The following MED27 variants were observed in gnomAD, a reference collection of about 807,000 sequenced individuals.
The protein encoded by MED27 is mediator of RNA polymerase II transcription subunit 27.
In MED27, 30 loss-of-function variants were observed where a neutral mutation model predicts 38.2. That is an observed-to-expected ratio of 0.79 (90% CI 0.59 to 1.07). The LOEUF (loss-of-function observed/expected upper bound fraction) is 1.07, where lower values mean the gene tolerates loss of function less well. MED27 is among the 50% of genes least tolerant of loss of function. The pLI is 0.00. For synonymous variants in MED27, 122 were observed against 153.5 expected (o/e 0.79, Z 1.52); for missense variants, 289 against 397.5 (o/e 0.73, Z 2.32).
intron 3 of MED27, among the ~76,000 whole-genome samples, chr9:131,967,554 C>T (rs1421104465): frequency 1.3e-5 from 2 of 151,214 alleles, no homozygotes; most frequent in Admixed American, 1.3e-4. Context: ...TGCAATGGCA[C>T]GATCTCAGCT....
intron 4 of MED27, among the ~76,000 whole-genome samples, chr9:131,925,728 C>T (rs1830471361): frequency 6.6e-6 from 1 of 152,180 alleles, no homozygotes; most frequent in South Asian, 2.1e-4. Flanking sequence ...AGCATCCCCT[C>T]CAAAACAGGA....
chr9:131,910,676 T>C (rs1830171838), intron 4 of MED27, among the ~76,000 whole-genome samples: 1 of 152,154 alleles, frequency 6.6e-6, no homozygotes, highest in South Asian at 2.1e-4. Context: ...AAAGCTTCCA[T>C]CTAAACAACA....
chr9:131,882,027 T>C (rs1364156057), intron 6 of MED27, among the ~76,000 whole-genome samples: 1 of 152,026 alleles, frequency 6.6e-6, no homozygotes, highest in Non-Finnish European at 1.5e-5. Context: ...GTGCTGGGAT[T>C]ACAGGCATGA....
At chr9:132,014,813 A>G (rs572909357) in intron 2 of MED27, among the ~76,000 whole-genome samples, 1 of 152,400 alleles carries the variant, frequency 6.6e-6, no homozygotes, top group South Asian at 2.1e-4. Context: ...CATTGTAAAC[A>G]GAGAGGCACT....
intron 2 of MED27, among the ~76,000 whole-genome samples, chr9:132,022,116 T>C (rs1346504908): frequency 6.6e-6 from 1 of 152,152 alleles, no homozygotes; most frequent in African/African-American, 2.4e-5. Context: ...GACAGATTAT[T>C]GACAGGCGGT....
At chr9:132,069,975 G>A (rs974419440) in intron 2 of MED27, among the ~76,000 whole-genome samples, 3 of 152,170 alleles carry the variant, frequency 2.0e-5, no homozygotes, top group African/African-American at 7.2e-5. Context: ...CCGCAAGCAC[G>A]CCACACTGGG....
At chr9:131,953,324 T>C (rs1241033286) in intron 3 of MED27, among the ~76,000 whole-genome samples, 1 of 152,250 alleles carries the variant, frequency 6.6e-6, no homozygotes, top group African/African-American at 2.4e-5. Context: ...CTCAGGCCAC[T>C]GCAAAGTTTG....
intron 2 of MED27, among the ~76,000 whole-genome samples, chr9:132,063,218 T>G (rs540849255): frequency 1.1e-4 from 17 of 152,320 alleles, no homozygotes; most frequent in African/African-American, 4.1e-4. Flanking sequence ...ATGGGAGGCC[T>G]ATAATAGGCC....
chr9:132,013,345 T>C (rs1832523489), intron 3 of MED27, among the ~76,000 whole-genome samples: 1 of 152,152 alleles, frequency 6.6e-6, no homozygotes, highest in Non-Finnish European at 1.5e-5. Context: ...ATGATTCCGT[T>C]TAAATGAAGT....
intron 3 of MED27, among the ~76,000 whole-genome samples, chr9:131,988,796 T>C (rs139323256): frequency 0.012 from 1,835 of 152,290 alleles, 18 homozygotes; most frequent in Middle Eastern, 0.02. Flanking sequence ...GTTTTTGTTA[T>C]CAGAAAAGCT....
chr9:131,874,701 C>T (rs552992093), intron 6 of MED27, among the ~76,000 whole-genome samples: 2 of 152,270 alleles, frequency 1.3e-5, no homozygotes, highest in Admixed American at 6.5e-5. Context: ...CGAGGAGACG[C>T]GCTGGGTCTT....
chr9:132,046,272 G>T (rs1564338994), intron 2 of MED27, among the ~76,000 whole-genome samples: 1 of 152,126 alleles, frequency 6.6e-6, no homozygotes, highest in Non-Finnish European at 1.5e-5. Flanking sequence ...ACTAAGTAAA[G>T]ATGAAAGTAG....
chr9:131,980,101 ATG>A (rs944354360), intron 3 of MED27, among the ~76,000 whole-genome samples: 3 of 150,324 alleles, frequency 2.0e-5, no homozygotes, highest in African/African-American at 7.3e-5. Flanking sequence ...AAGGTAATAT[ATG>A]TGTGTGTGTA....
chr9:131,902,614 T>C (rs943113858), intron 4 of MED27, among the ~76,000 whole-genome samples: 6 of 152,134 alleles, frequency 3.9e-5, no homozygotes, highest in African/African-American at 1.4e-4. Flanking sequence ...ATACTGAAGG[T>C]CACTCATTTT....
chr9:132,027,236 CAGGT>C (rs1488750111), intron 2 of MED27, among the ~76,000 whole-genome samples: 1 of 152,166 alleles, frequency 6.6e-6, no homozygotes, highest in African/African-American at 2.4e-5. Flanking sequence ...TCTGGTTACC[CAGGT>C]AGTAAGGGTC....
At chr9:132,062,596 C>T (rs191806724) in intron 2 of MED27, among the ~76,000 whole-genome samples, 3 of 148,618 alleles carry the variant, frequency 2.0e-5, no homozygotes, top group East Asian at 2.0e-4. Flanking sequence ...ATCCTGAGCA[C>T]GAGAAGGAGT....
intron 2 of MED27, among the ~76,000 whole-genome samples, chr9:132,016,556 A>G (rs1269411405): frequency 6.6e-6 from 1 of 152,204 alleles, no homozygotes; most frequent in Non-Finnish European, 1.5e-5. Context: ...TTGAAAGACA[A>G]TGTTTCAAAA....
chr9:131,864,791 G>A (rs566260373), intron 6 of MED27, among the ~76,000 whole-genome samples: 8 of 152,388 alleles, frequency 5.2e-5, no homozygotes, highest in South Asian at 4.1e-4. Context: ...CTCTTATGGG[G>A]GCCTCTCTAA....
intron 4 of MED27, among the ~76,000 whole-genome samples, chr9:131,914,300 C>T (rs1830246936): frequency 6.6e-6 from 1 of 152,194 alleles, no homozygotes; most frequent in Non-Finnish European, 1.5e-5. Flanking sequence ...CCATGTAGTA[C>T]AGCAGAAAGC....
Sources: gnomAD v4.1 joint callset for allele counts (sites outside exome capture counted in the v4.1 genomes callset) on GRCh38, gnomAD v4.1.1 for gene constraint, MANE v1.5 for transcripts, NCBI Gene and HGNC (gene_info 2026-07-23, HGNC 2026-07-21) for gene names.